LARGE1: variants seen among roughly 807,000 people sequenced by gnomAD.
LARGE1 encodes xylosyl- and glucuronyltransferase LARGE1.
LARGE1 carries 43 observed loss-of-function variants against 87.6 expected under a neutral mutation model. The observed-to-expected ratio is 0.49, with a 90% confidence interval of 0.38 to 0.63. The LOEUF is 0.63. Ranked by LOEUF, LARGE1 falls within the 30% of genes least tolerant of loss-of-function variation. LARGE1 has a pLI of 0.00. For missense variants in LARGE1, 802 were observed against 1,000.2 expected (o/e 0.80, Z 2.67); for synonymous variants, 434 against 394.6 (o/e 1.10, Z -1.18).
chr22:33,743,398 T>TA (rs2083962603), intron 2 of LARGE1, among the ~76,000 whole-genome samples: 1 of 152,134 alleles, frequency 6.6e-6, no homozygotes, highest in Non-Finnish European at 1.5e-5. Context: ...TCTCTGCCAG[T>TA]ATCCATTTGC....
chr22:33,775,260 C>T (rs2085196873), intron 1 of LARGE1, among the ~76,000 whole-genome samples: 1 of 152,196 alleles, frequency 6.6e-6, no homozygotes, highest in Non-Finnish European at 1.5e-5. Flanking sequence ...ATTGAATGTG[C>T]TTCTCTCAAT....
intron 9 of LARGE1, among the ~76,000 whole-genome samples, chr22:33,373,530 C>A (rs2147032162): frequency 6.6e-6 from 1 of 152,256 alleles, no homozygotes; most frequent in Non-Finnish European, 1.5e-5. Flanking sequence ...TATCTTGCTG[C>A]ATGTGATTTT....
At chr22:33,213,495 A>G (rs1217915637) in intron 11 of LARGE1, among the ~76,000 whole-genome samples, 2 of 152,228 alleles carry the variant, frequency 1.3e-5, no homozygotes, top group Non-Finnish European at 2.9e-5. Flanking sequence ...GAGTTGATCA[A>G]TGAGGCAAAC....
intron 2 of LARGE1, among the ~76,000 whole-genome samples, chr22:33,651,225 CA>C (rs71187275): frequency 0.037 from 2,086 of 56,576 alleles, 226 homozygotes; most frequent in African/African-American, 0.12. Flanking sequence ...ACTAAAAATA[CA>C]AAAAAAAAAA....
chr22:33,819,999 G>T (rs753196495), intron 1 of LARGE1, among the ~76,000 whole-genome samples: 2 of 152,304 alleles, frequency 1.3e-5, no homozygotes, highest in Non-Finnish European at 2.9e-5. Flanking sequence ...CTTGCATGTG[G>T]ATGGTCCAGG....
At chr22:33,545,247 C>A (rs1208933160) in intron 6 of LARGE1, among the ~76,000 whole-genome samples, 1 of 149,888 alleles carries the variant, frequency 6.7e-6, no homozygotes, top group African/African-American at 2.5e-5. Context: ...GACCAGAACA[C>A]CTATGTCTTT....
intron 2 of LARGE1, among the ~76,000 whole-genome samples, chr22:33,660,011 T>G (rs1282199344): frequency 6.6e-6 from 1 of 152,040 alleles, no homozygotes; most frequent in East Asian, 1.9e-4. Flanking sequence ...CGAGCAATGA[T>G]ACCAGTTTTT....
chr22:33,899,810 T>C (rs1364098501), intron 1 of LARGE1, among the ~76,000 whole-genome samples: 22 of 152,172 alleles, frequency 1.4e-4, no homozygotes, highest in Non-Finnish European at 2.9e-5. Flanking sequence ...AACAAAGAAG[T>C]GAGACTTCTG....
intron 3 of LARGE1, among the ~76,000 whole-genome samples, chr22:33,640,563 G>A (rs2064447728): frequency 6.6e-6 from 1 of 152,076 alleles, no homozygotes; most frequent in Non-Finnish European, 1.5e-5. Flanking sequence ...ACCAGTAGCA[G>A]CTGGAATCCC....
intron 2 of LARGE1, among the ~76,000 whole-genome samples, chr22:33,680,545 A>G (rs995375591): frequency 3.2e-4 from 49 of 152,290 alleles, no homozygotes; most frequent in African/African-American, 1.2e-3. Context: ...CTGAGAGCAG[A>G]TCTCACTCTG....
intron 1 of LARGE1, among the ~76,000 whole-genome samples, chr22:33,806,159 C>T (rs1201494898): frequency 6.6e-6 from 1 of 152,120 alleles, no homozygotes; most frequent in African/African-American, 2.4e-5. Flanking sequence ...AATTTACCCA[C>T]TCTGGATATA....
intron 6 of LARGE1, among the ~76,000 whole-genome samples, chr22:33,518,787 G>A (rs1224917280): frequency 1.3e-5 from 2 of 152,194 alleles, no homozygotes; most frequent in African/African-American, 2.4e-5. Context: ...TGAGGGGACT[G>A]GAGTGGGGCA....
chr22:33,310,223 G>T (rs1218105013), intron 11 of LARGE1, among the ~76,000 whole-genome samples: 1 of 152,150 alleles, frequency 6.6e-6, no homozygotes, highest in Non-Finnish European at 1.5e-5. Context: ...TAGAGAGTAG[G>T]GCTCTGTGAG....
At chr22:33,359,080 C>T (rs12169355) in intron 9 of LARGE1, among the ~76,000 whole-genome samples, 12,872 of 151,824 alleles carry the variant, frequency 0.085, 1,684 homozygotes, top group African/African-American at 0.28. Flanking sequence ...CCCTCTAAAA[C>T]CCACTTAATC....
intron 11 of LARGE1, among the ~76,000 whole-genome samples, chr22:33,234,666 T>G (rs546136876): frequency 6.6e-6 from 1 of 152,132 alleles, no homozygotes; most frequent in Admixed American, 6.5e-5. Context: ...CTCAGCCTCC[T>G]GAGTAGCTGG....
chr22:33,163,055 G>C (rs926479594), exon 12 of LARGE1: 1 of 152,158 alleles, frequency 6.6e-6, no homozygotes, highest in Admixed American at 6.6e-5. Context: ...GAGTAAAGGG[G>C]TGTCTGTCAT....
intron 11 of LARGE1, among the ~76,000 whole-genome samples, chr22:33,172,491 G>A (rs538643790): frequency 6.6e-6 from 1 of 152,120 alleles, no homozygotes; most frequent in Non-Finnish European, 1.5e-5. Context: ...TGTGAAGAAG[G>A]TACTTGCTTC....
intron 6 of LARGE1, among the ~76,000 whole-genome samples, chr22:33,478,446 C>A (rs151092216): frequency 1.3e-5 from 2 of 152,284 alleles, no homozygotes; most frequent in Middle Eastern, 3.4e-3. Context: ...GAAACAACAC[C>A]GCATTGCAAA....
intron 1 of LARGE1, among the ~76,000 whole-genome samples, chr22:33,854,302 A>G (rs1427046851): frequency 2.0e-5 from 3 of 151,982 alleles, no homozygotes; most frequent in Admixed American, 2.0e-4. Context: ...ATATAAAACA[A>G]ATTCTAAAAT....
Sources: allele counts gnomAD v4.1 joint callset (sites outside exome capture counted in the v4.1 genomes callset), GRCh38; gene constraint gnomAD v4.1.1; transcripts MANE v1.5; gene names NCBI Gene and HGNC (gene_info 2026-07-23, HGNC 2026-07-21).